The following TTLL6 variants were observed in gnomAD, a reference collection of about 807,000 sequenced individuals.
The protein encoded by TTLL6 is tubulin polyglutamylase TTLL6.
A neutral mutation model predicts 96.4 loss-of-function variants in TTLL6; 75 were observed. The ratio of observed to expected loss-of-function variants is 0.78; its 90% CI spans 0.65 to 0.94. The LOEUF (loss-of-function observed/expected upper bound fraction) is 0.94, where lower values mean the gene tolerates loss of function less well. TTLL6 is among the 40% of genes least tolerant of loss of function. The probability of loss-of-function intolerance (pLI) is 0.00; values close to 1 mark genes in which losing one functional copy is unlikely to be tolerated. For synonymous variants in TTLL6, 411 were observed against 419.4 expected, an observed-to-expected ratio of 0.98 and a Z score of 0.24; for missense variants, 1,030 against 1,093.0, an observed-to-expected ratio of 0.94 and a Z score of 0.81.
chr17:48,799,661 C>A lies in TTLL6; in HGVS notation c.711G>T (p.Arg237=), dbSNP rs2039376369. 5 of 1,551,912 alleles carry A rather than the reference C, an allele frequency of 3.2e-6. No individual in the cohort carries two copies. Among genetic ancestry groups the A allele is most frequent in the Non-Finnish European group, 4.4e-6 (5 of 1,147,024 alleles). Reference sequence around the variant, plus strand: ...CCCCTGGTTTGATTTCTTTCACTGTCCGGGTGATGAATATACCTTTCCCTT... The same window carrying A: ...CCCCTGGTTTGATTTCTTTCACTGTACGGGTGATGAATATACCTTTCCCTT... ...GCQGKGIFIT[R]TVKEIKPGED... Residue 237 remains arginine (R), a synonymous_variant, in exon 6 of 16, where the codon CGG becomes CGT. Transcript: ENST00000393382.
At chr17:48,763,461 C>G (rs1304296863) in intron 15 of TTLL6, among the ~76,000 whole-genome samples, 10 of 152,184 alleles carry the variant, frequency 6.6e-5, no homozygotes, top group African/African-American at 2.4e-4. Flanking sequence ...CAGTAAGATG[C>G]CAGGCATCCC....
intron 1 of TTLL6, among the ~76,000 whole-genome samples, chr17:48,809,226 C>T (rs189610064): frequency 3.0e-4 from 46 of 152,286 alleles, no homozygotes; most frequent in Admixed American, 1.6e-3. Context: ...AAGAGATGTG[C>T]TCAGGACAGA....
rs1415697488 is a variant in TTLL6, at chr17:48,762,397, T to C, written c.*577A>G. On this transcript the variant is annotated 3_prime_UTR_variant, in exon 16 of 16. Transcript: ENST00000393382. Reference sequence around the variant, plus strand: ...GCTGGTGAGGGAGGTCACCAGAGGATGCTCGGGCACTGAGGTGGCAAGTCT... The same window carrying C: ...GCTGGTGAGGGAGGTCACCAGAGGACGCTCGGGCACTGAGGTGGCAAGTCT... The C allele has an allele frequency of 6.6e-6, 1 of 152,358 alleles. No individual in the cohort carries two copies. The highest frequency in any genetic ancestry group is 1.5e-5 in the Non-Finnish European group (1 of 68,224). The allele number at this position is 152,358 out of a possible 1,614,324, so 9.4% of individuals were successfully genotyped here.
In TTLL6 at chr17:48,770,082, C is replaced by T. The variant is rs2143186419; in HGVS notation, c.2056G>A (p.Glu686Lys). The T allele has an allele frequency of 6.2e-7, 1 of 1,605,762 alleles. No homozygotes were observed. The highest frequency in any genetic ancestry group is 2.2e-5 in the East Asian group (1 of 44,674). The change falls in exon 14 of 16, where the codon GAA (glutamate) becomes AAA (lysine). Residue 686 changes from glutamate (E) to lysine (K), a missense_variant. By Grantham distance (56) the Glu-to-Lys change is moderately conservative. Coordinates refer to ENST00000393382, the MANE Select transcript of TTLL6 (RefSeq NM_001130918.3). ...TGGGTGGTGGATTCTGGGGTGGTTT[C>T]TACGGAGGTTAAGTGCTGGAAGAAA... ...FTGTVHLTSV[E>K]TTPESTTQLS... is the part of the protein sequence containing the mutation.
intron 4 of TTLL6, 65 bp downstream of exon 4, chr17:48,801,460 T>C: frequency 6.4e-7 from 1 of 1,550,710 alleles, no homozygotes; most frequent in Non-Finnish European, 8.7e-7. Flanking sequence ...GAGACAGGTG[T>C]AAAAATGGGG....
chr17:48,784,292 C>T (rs2039046018), intron 13 of TTLL6, among the ~76,000 whole-genome samples: 1 of 152,024 alleles, frequency 6.6e-6, no homozygotes, highest in African/African-American at 2.4e-5. Flanking sequence ...GCAGTCCCAG[C>T]TACTTGGGAG....
Position 48,791,459 on chromosome 17 carries a change from G to GTT in TTLL6, c.1141_1142dup (p.Asn381LysfsTer46). 6.2e-7 allele frequency: 1 copy of GTT among 1,614,232 alleles called. No homozygotes were observed. On this transcript the variant is annotated frameshift_variant, in exon 9 of 16. Transcript: ENST00000393382. LOFTEE classifies it high-confidence loss of function. ...CAAAGCAGGCGCTGTTGAGTGTGTGGTTGGGGAAGCAGGTGTGGTAGTTAT... is the reference window on the plus strand; with the variant it reads ...CAAAGCAGGCGCTGTTGAGTGTGTGGTTTTGGGGAAGCAGGTGTGGTAGTTAT...
At chr17:48,816,941 G>A (rs1430086133) in intron 1 of TTLL6, 29 bp downstream of exon 1, 2 of 1,488,090 alleles carry the variant, frequency 1.3e-6, no homozygotes, top group Non-Finnish European at 9.0e-7. Context: ...GCGGTCTGGA[G>A]CCAGCACCGG....
chr17:48,780,666 A>G (rs1393824532), intron 13 of TTLL6, among the ~76,000 whole-genome samples: 1 of 152,188 alleles, frequency 6.6e-6, no homozygotes. Flanking sequence ...CCCTCCGCCC[A>G]GTCCCTGGCA....
chr17:48,816,830 G>GCCA (rs2039674314), intron 1 of TTLL6, 140 bp downstream of exon 1: 1 of 566,808 alleles, frequency 1.8e-6, no homozygotes, highest in Non-Finnish European at 2.9e-6. Context: ...GCCATGGAAC[G>GCCA]CCACCAGGGA....
intron 7 of TTLL6, among the ~76,000 whole-genome samples, chr17:48,796,575 T>C (rs983485836): frequency 4.0e-5 from 6 of 149,736 alleles, no homozygotes; most frequent in African/African-American, 1.5e-4. Flanking sequence ...GCCGAGATCA[T>C]GCCACTGCAC....
At chr17:48,803,378 C>A (rs2039456314) in intron 3 of TTLL6, among the ~76,000 whole-genome samples, 1 of 151,694 alleles carries the variant, frequency 6.6e-6, no homozygotes, top group Admixed American at 6.6e-5. Flanking sequence ...TGCCTGTAAT[C>A]CCAGCTACTA....
chr17:48,804,073 T>C lies in TTLL6; in HGVS notation c.324-145A>G. 4.7e-6 allele frequency: 4 copies of C among 849,522 alleles called. No homozygotes were observed. The South Asian group carries it at 6.2e-5, about 13-fold the overall frequency. 52.6% of individuals were successfully genotyped at this position (849,522 alleles called of 1,614,324 possible). On this transcript the variant is annotated intron_variant, in intron 2 of 15. Coordinates refer to ENST00000393382, the MANE Select transcript of TTLL6 (RefSeq NM_001130918.3). Reference sequence around the variant, plus strand: ...AGCCTGGTTTGACCGTCCCTGTTGCTGAGGACACGAGTCCAAGGGGGTACA... The same window carrying C: ...AGCCTGGTTTGACCGTCCCTGTTGCCGAGGACACGAGTCCAAGGGGGTACA...
chr17:48,769,977 C>T lies in TTLL6; in HGVS notation c.2161G>A (p.Val721Met), dbSNP rs2038704542. 3.7e-6 allele frequency: 6 copies of T among 1,614,112 alleles called. No individual in the cohort carries two copies. Among genetic ancestry groups the T allele is most frequent in the Non-Finnish European group, 2.5e-6 (3 of 1,180,022 alleles). The stretch of plus-strand genomic sequence containing the variant: ...TGCTTCTTGCATTTAAAGGATACCA[C>T]CCTGTCCGTCTCTGGGCCACTGTAC... The part of the protein sequence containing the change: ...SEYSGPETDR[V>M]VSFKCKKQQT... Residue 721 changes from valine to methionine, a missense_variant, in exon 14 of 16, where the codon GTG (valine) becomes ATG (methionine). Val to Met is a conservative substitution (Grantham distance 21). Coordinates refer to ENST00000393382, the MANE Select transcript of TTLL6 (RefSeq NM_001130918.3).
chr17:48,763,784 G>A (rs1216248895), intron 15 of TTLL6, among the ~76,000 whole-genome samples: 1 of 151,956 alleles, frequency 6.6e-6, no homozygotes, highest in African/African-American at 2.4e-5. Context: ...GAGCGACAGA[G>A]CAAGACTCTG....
At position 48,791,591 on chromosome 17, in the gene TTLL6, G is replaced by T; in HGVS notation, c.1011C>A (p.Thr337=). 6.2e-7 allele frequency: 1 copy of T among 1,609,704 alleles called. No homozygotes were observed. The highest frequency in any genetic ancestry group is 1.1e-5 in the South Asian group (1 of 90,904). ...TGTGGTCCTCCAAGTATGCACTGAA[G>T]GTGGAGAGCTTCCTGGAAGGGAACC... ...AHSGSKRKLS[T]FSAYLEDHSY... The change falls in exon 9 of 16, where the codon ACC becomes ACA. Residue 337 remains threonine, a synonymous_variant. Transcript: ENST00000393382.
chr17:48,794,249 C>T, intron 8 of TTLL6: 1 of 1,613,874 alleles, frequency 6.2e-7, no homozygotes, highest in Non-Finnish European at 8.5e-7. Flanking sequence ...AGCCGAGGGC[C>T]CAGGGCCTGC....
At chr17:48,764,094 C>T (rs968338617) in intron 15 of TTLL6, among the ~76,000 whole-genome samples, 5 of 152,076 alleles carry the variant, frequency 3.3e-5, no homozygotes, top group Admixed American at 1.3e-4. Flanking sequence ...CATGATAGTG[C>T]CACTGCACTC....
intron 13 of TTLL6, among the ~76,000 whole-genome samples, chr17:48,783,438 T>A (rs943063401): frequency 9.5e-4 from 1 of 1,058 alleles, no homozygotes; most frequent in South Asian, 7.6e-3. Flanking sequence ...AAAAATATTG[T>A]TTTTTTTTTT....
Sources: allele counts gnomAD v4.1 joint callset (sites outside exome capture counted in the v4.1 genomes callset), GRCh38; gene constraint gnomAD v4.1.1; transcripts MANE v1.5; gene names NCBI Gene and HGNC (gene_info 2026-07-23, HGNC 2026-07-21).